Variants in AKTIP observed in about 807,000 individuals in gnomAD.
The protein encoded by AKTIP is AKT-interacting protein.
Under a neutral mutation model 39.1 loss-of-function variants are expected in AKTIP, and 16 were observed. The ratio of observed to expected loss-of-function variants is 0.41; its 90% confidence interval spans 0.28 to 0.62. The LOEUF (loss-of-function observed/expected upper bound fraction) is 0.62. Ranked by LOEUF, AKTIP falls within the 20% of genes least tolerant of loss-of-function variation. The pLI, the probability that AKTIP is intolerant of heterozygous loss-of-function variation, is 0.32. For synonymous variants in AKTIP, 93 were observed against 124.3 expected, an observed-to-expected ratio of 0.75 and a Z score of 1.67; for missense variants, 262 against 356.6, an observed-to-expected ratio of 0.73 and a Z score of 2.14.
Position 53,493,171 on chromosome 16 carries a change from G to A in AKTIP, c.711-418C>T, listed in dbSNP as rs371023676. 2.2e-3 allele frequency: 373 copies of A among 169,322 alleles called. 1 individual carries two copies. Among genetic ancestry groups the A allele is most frequent in the African/African-American group, 8.4e-3 (350 of 41,718 alleles). The allele number at this position is 169,322 out of a possible 1,614,324, so 10.5% of individuals were successfully genotyped here. ...TGCAACCTCCGCCTCCTAGATTCAG[G>A]CCATTCTCCTGCTTCAGCCTCGCTG... is the stretch of plus-strand genomic sequence containing the variant. On this transcript the variant is annotated intron_variant, in intron 8 of 9. Coordinates refer to ENST00000394657, the MANE Select transcript of AKTIP (RefSeq NM_022476.4).
Position 53,498,729 on chromosome 16 carries a change from T to C in AKTIP, c.43-133A>G, listed in dbSNP as rs1195134917. 5.0e-5 allele frequency: 45 copies of C among 891,150 alleles called. No homozygotes were observed. The East Asian group carries it at 6.6e-4, about 13-fold the overall frequency. The allele number at this position is 891,150 out of a possible 1,614,324, so 55.2% of individuals were successfully genotyped here. On this transcript the variant is annotated intron_variant, in intron 2 of 9. Transcript: ENST00000394657. ...ATTCTAACACCATGACCAAGATGAC[T>C]AGAAAGTCCTTTGGGCAGGCAGGTC...
At chr16:53,492,637 GAC>G in intron 9 of AKTIP, 54 bp downstream of exon 9, 1 of 1,605,724 alleles carries the variant, frequency 6.2e-7, no homozygotes, top group South Asian at 1.1e-5. Flanking sequence ...TCCAAATGAA[GAC>G]ATTTTAGAAA....
rs1961512249 is a variant in AKTIP at position 53,492,061 on chromosome 16, T to G, written c.*351A>C. 1 of 193,964 alleles carries G rather than the reference T, an allele frequency of 5.2e-6. No homozygotes were observed. Among genetic ancestry groups the G allele is most frequent in the Admixed American group, 5.4e-5 (1 of 18,386 alleles). 12.0% of individuals were successfully genotyped at this position (193,964 alleles called of 1,614,324 possible). ...CTAACATATATACAACTGAAACCAC[T>G]GATTTATAAACTATTAAGTAGTGCT... On this transcript the variant is annotated 3_prime_UTR_variant, in exon 10 of 10. Coordinates refer to ENST00000394657, the MANE Select transcript of AKTIP (RefSeq NM_022476.4).
At chr16:53,498,717 G>T in intron 2 of AKTIP, 121 bp from the exon 3 acceptor site, 1 of 971,700 alleles carries the variant, frequency 1.0e-6, no homozygotes, top group Non-Finnish European at 1.6e-6. Flanking sequence ...CTAACACCAT[G>T]ACCAAGATGA....
At chr16:53,502,787 G>A (rs1290661509) in intron 1 of AKTIP, 1 of 152,246 alleles carries the variant, frequency 6.6e-6, no homozygotes, top group East Asian at 1.9e-4. Context: ...CCCTCCAGTG[G>A]GGGGGCTCTG....
In AKTIP at chr16:53,494,246, C is replaced by T; in HGVS notation, c.603-1G>A. 6.2e-7 allele frequency: 1 copy of T among 1,613,656 alleles called. No individual in the cohort carries two copies. Among genetic ancestry groups the T allele is most frequent in the Non-Finnish European group, 8.5e-7 (1 of 1,179,596 alleles). ...AAAAAGCTGAATATCTTTTTCATAC[C>T]TGTGTTAAAAGTTTAAGTCAAAAAG... On this transcript the variant is annotated splice_acceptor_variant, in intron 7 of 9. Transcript: ENST00000394657. LOFTEE classifies it high-confidence loss of function.
chr16:53,499,496 C>A (rs564428636), intron 2 of AKTIP, among the ~76,000 whole-genome samples: 19 of 148,720 alleles, frequency 1.3e-4, no homozygotes, highest in African/African-American at 4.2e-4. Context: ...TGCTCTGTTG[C>A]CCAGGCTGGA....
intron 1 of AKTIP, chr16:53,501,364 C>G (rs7194519): frequency 0.29 from 44,469 of 152,058 alleles, 6,863 homozygotes; most frequent in Middle Eastern, 0.37. Flanking sequence ...GATCTTCCAG[C>G]CGAAGCTTCA....
chr16:53,501,855 C>G (rs1598163028), intron 1 of AKTIP: 1 of 152,188 alleles, frequency 6.6e-6, no homozygotes, highest in East Asian at 1.9e-4. Flanking sequence ...AACAGTTCTC[C>G]GCAAATCTGC....
chr16:53,495,085 A>G lies in AKTIP; in HGVS notation c.402T>C (p.Asp134=). Residue 134 remains aspartate (D), a synonymous_variant, in exon 5 of 10, where the codon GAT becomes GAC. Transcript: ENST00000394657. ...GTCTCCAACTTACTGGACAGTCACC[A>G]TCTGGATAGTTATCAGGGATGTAAA... ...FTVYIPDNYP[D]GDCPRLVFDI... is the part of the protein sequence containing the mutation. 6.2e-7 allele frequency: 1 copy of G among 1,613,946 alleles called. No homozygotes were observed. Among genetic ancestry groups the G allele is most frequent in the South Asian group, 1.1e-5 (1 of 91,088 alleles).
chr16:53,499,160 C>T (rs1026541227), intron 2 of AKTIP, among the ~76,000 whole-genome samples: 27 of 152,330 alleles, frequency 1.8e-4, no homozygotes, highest in African/African-American at 6.3e-4. Flanking sequence ...TGTCATCCTT[C>T]GTCAAAGACA....
chr16:53,498,158 A>G (rs967368752), intron 3 of AKTIP, among the ~76,000 whole-genome samples: 7 of 152,232 alleles, frequency 4.6e-5, no homozygotes, highest in Non-Finnish European at 1.0e-4. Flanking sequence ...CCCGAGCTCT[A>G]AAGAATCTTT....
At chr16:53,494,966 G>T in intron 5 of AKTIP, 107 bp downstream of exon 5, 1 of 1,032,910 alleles carries the variant, frequency 9.7e-7, no homozygotes, top group Non-Finnish European at 1.5e-6. Flanking sequence ...CTACTGGGTA[G>T]ATAAATCATA....
chr16:53,497,138 A>C (rs1444090702), intron 3 of AKTIP, among the ~76,000 whole-genome samples: 1 of 152,184 alleles, frequency 6.6e-6, no homozygotes, highest in African/African-American at 2.4e-5. Context: ...GGAATTTTTA[A>C]ATGATGGAAA....
upstream of AKTIP, among the ~76,000 whole-genome samples, chr16:53,504,139 T>G (rs192818922): frequency 1.7e-4 from 26 of 150,500 alleles, no homozygotes; most frequent in Non-Finnish European, 3.3e-4. Flanking sequence ...GGACCTCCCG[T>G]CTGCTTTCCC....
intron 3 of AKTIP, 25 bp downstream of exon 3, chr16:53,498,366 A>C: frequency 6.2e-7 from 1 of 1,610,062 alleles, no homozygotes; most frequent in Non-Finnish European, 8.5e-7. Flanking sequence ...TCCTAATTTA[A>C]CCAAATAGTT....
Position 53,495,311 on chromosome 16 carries a change from C to T in AKTIP, c.264G>A (p.Lys88=). Reference sequence around the variant, plus strand: ...GCACATAGACGCCTGGTAGCTTCTGCTTCACAACCAAGGTACTACAACAAA... The same window carrying T: ...GCACATAGACGCCTGGTAGCTTCTGTTTCACAACCAAGGTACTACAACAAA... ...SLLAEFTLVV[K]QKLPGVYVQP... is the part of the protein sequence containing the mutation. The change falls in exon 4 of 10, where the codon AAG becomes AAA. Residue 88 remains lysine, a synonymous_variant. Coordinates refer to ENST00000394657, the MANE Select transcript of AKTIP (RefSeq NM_022476.4). 2 of 1,614,200 alleles carry T rather than the reference C, an allele frequency of 1.2e-6. No homozygotes were observed. The highest frequency in any genetic ancestry group is 2.2e-5 in the South Asian group (2 of 91,074).
intron 5 of AKTIP, 180 bp from the exon 6 acceptor site, chr16:53,494,785 A>G (rs1241230880): frequency 2.8e-6 from 2 of 718,652 alleles, no homozygotes; most frequent in South Asian, 3.3e-5. Context: ...AAATTTTGCA[A>G]TGAAGCGGGG....
intron 3 of AKTIP, among the ~76,000 whole-genome samples, chr16:53,495,879 C>A (rs1218483986): frequency 6.6e-6 from 1 of 152,258 alleles, no homozygotes; most frequent in East Asian, 1.9e-4. Flanking sequence ...TGTTCAGACT[C>A]GCAGTACTGC....
Sources: gnomAD v4.1 joint callset for allele counts (sites outside exome capture counted in the v4.1 genomes callset) on GRCh38, gnomAD v4.1.1 for gene constraint, MANE v1.5 for transcripts, NCBI Gene and HGNC (gene_info 2026-07-23, HGNC 2026-07-21) for gene names.